Variants in SPRED2 observed in about 807,000 individuals in gnomAD.
The protein encoded by SPRED2 is sprouty related EVH1 domain containing 2, also known as sprouty-related, EVH1 domain-containing protein 2.
SPRED2 carries 47 observed loss-of-function variants against 43.0 expected under a neutral mutation model. The observed-to-expected ratio is 1.09, with a 90% CI of 0.87 to 1.40. SPRED2 has a LOEUF of 1.40. SPRED2 is among the 40% of genes most tolerant of loss of function. The pLI is 0.00. For synonymous variants in SPRED2, 225 were observed against 225.7 expected, an observed-to-expected ratio of 1.00 and a Z score of 0.03; for missense variants, 561 against 586.4, an observed-to-expected ratio of 0.96 and a Z score of 0.45.
chr2:65,391,009 G>T (rs957001025), intron 1 of SPRED2, among the ~76,000 whole-genome samples: 1 of 150,726 alleles, frequency 6.6e-6, no homozygotes, highest in Non-Finnish European at 1.5e-5. Context: ...AATCGCTTGA[G>T]CCTGGGAGGC....
chr2:65,338,849 TGAG>T (rs1456063035), intron 2 of SPRED2, among the ~76,000 whole-genome samples: 1 of 147,884 alleles, frequency 6.8e-6, no homozygotes, highest in Admixed American at 6.7e-5. Flanking sequence ...ACCTGGGAAG[TGAG>T]GAGCGCCTCC....
chr2:65,408,524 T>C (rs866910602), intron 1 of SPRED2, among the ~76,000 whole-genome samples: 17 of 152,110 alleles, frequency 1.1e-4, no homozygotes, highest in East Asian at 7.7e-4. Context: ...CCCCTTCCAA[T>C]GTCTGTATGT....
intron 1 of SPRED2, among the ~76,000 whole-genome samples, chr2:65,411,935 G>A (rs971529891): frequency 2.0e-5 from 3 of 152,012 alleles, no homozygotes; most frequent in African/African-American, 7.2e-5. Flanking sequence ...AGACCATCCT[G>A]GCCAACACGG....
chr2:65,309,511 A>AG, downstream of SPRED2, among the ~76,000 whole-genome samples: 1 of 151,272 alleles, frequency 6.6e-6, no homozygotes, highest in Non-Finnish European at 1.5e-5. Context: ...GTCTCAAAAA[A>AG]AAAAAAAAAA....
intron 1 of SPRED2, among the ~76,000 whole-genome samples, chr2:65,375,323 G>C (rs905023821): frequency 1.4e-4 from 22 of 152,240 alleles, no homozygotes; most frequent in Admixed American, 1.4e-3. Context: ...GCCGGTCTCA[G>C]GTAGCTGTGA....
intron 1 of SPRED2, among the ~76,000 whole-genome samples, chr2:65,396,453 C>G (rs1377573783): frequency 6.6e-6 from 1 of 152,230 alleles, no homozygotes; most frequent in African/African-American, 2.4e-5. Flanking sequence ...CATTTGTGGA[C>G]AGGCCCCACG....
At chr2:65,344,136 CAAAA>C (rs147613284) in intron 2 of SPRED2, 1,454 of 73,382 alleles carry the variant, frequency 0.02, 12 homozygotes, top group African/African-American at 0.062. Context: ...GACTCCGTCT[CAAAA>C]AAAAAAAAAA....
chr2:65,322,229 CCTCTCTCTCTCTCTCTCTCT>C (rs71905140), intron 4 of SPRED2, among the ~76,000 whole-genome samples: 144 of 61,282 alleles, frequency 2.3e-3, no homozygotes, highest in Non-Finnish European at 2.7e-3. Flanking sequence ...GGTCTCCTTT[CCTCTCTCTCTCTCTCTCTCT>C]CTCTCTCTCT....
chr2:65,366,884 A>G, intron 1 of SPRED2: 1 of 743,552 alleles, frequency 1.3e-6, no homozygotes, highest in East Asian at 3.8e-5. Context: ...CAGCTGACAG[A>G]TGCGTTTTCC....
chr2:65,424,184 C>T (rs967093489), intron 1 of SPRED2, among the ~76,000 whole-genome samples: 9 of 152,016 alleles, frequency 5.9e-5, no homozygotes, highest in Admixed American at 5.9e-4. Context: ...AGCAGGGTCC[C>T]TTAGTGGCAG....
intron 1 of SPRED2, among the ~76,000 whole-genome samples, chr2:65,395,485 C>A (rs1675738521): frequency 6.6e-6 from 1 of 152,188 alleles, no homozygotes; most frequent in African/African-American, 2.4e-5. Flanking sequence ...AACCCCAACT[C>A]CCTCACACTC....
chr2:65,360,076 A>C (rs1207787850), intron 1 of SPRED2, among the ~76,000 whole-genome samples: 3 of 98,354 alleles, frequency 3.1e-5, no homozygotes, highest in Admixed American at 1.3e-4. Context: ...AAAAAAAAAA[A>C]AACAAAAAAA....
At chr2:65,417,641 T>C (rs1453858713) in intron 1 of SPRED2, among the ~76,000 whole-genome samples, 2 of 152,216 alleles carry the variant, frequency 1.3e-5, no homozygotes, top group Non-Finnish European at 2.9e-5. Context: ...GTCATGAATG[T>C]TTAACACAGT....
intron 1 of SPRED2, among the ~76,000 whole-genome samples, chr2:65,348,596 A>G (rs1674418789): frequency 6.6e-6 from 1 of 151,986 alleles, no homozygotes; most frequent in Non-Finnish European, 1.5e-5. Flanking sequence ...TGAGGTCAGG[A>G]GTTCAAGACC....
intron 1 of SPRED2, among the ~76,000 whole-genome samples, chr2:65,431,613 A>C (rs537028589): frequency 2.6e-5 from 4 of 152,078 alleles, no homozygotes; most frequent in Non-Finnish European, 5.9e-5. Flanking sequence ...GGGAAGCCGG[A>C]GTGGGGGTGT....
intron 2 of SPRED2, among the ~76,000 whole-genome samples, chr2:65,337,593 GGTAA>G (rs560920429): frequency 3.0e-4 from 46 of 152,266 alleles, no homozygotes; most frequent in African/African-American, 9.9e-4. Context: ...CATATACACA[GGTAA>G]GTTTCTGTGT....
chr2:65,344,627 GAAAA>G (rs779154866), intron 2 of SPRED2, 88 bp downstream of exon 2: 20 of 1,511,662 alleles, frequency 1.3e-5, no homozygotes, highest in Non-Finnish European at 1.8e-5. Context: ...GAGAAAGAAA[GAAAA>G]AAATACGTTA....
At chr2:65,366,857 G>A (rs1674994354) in intron 1 of SPRED2, 2 of 1,106,748 alleles carry the variant, frequency 1.8e-6, no homozygotes, top group South Asian at 4.0e-5. Flanking sequence ...TCTCAAAAGT[G>A]GAAACTGGAA....
At chr2:65,383,646 G>A (rs1675427576) in intron 1 of SPRED2, among the ~76,000 whole-genome samples, 2 of 152,142 alleles carry the variant, frequency 1.3e-5, no homozygotes. Context: ...ACTTGCTGTG[G>A]TGCCTAATCG....
Sources: allele counts gnomAD v4.1 joint callset (sites outside exome capture counted in the v4.1 genomes callset), GRCh38; gene constraint gnomAD v4.1.1; transcripts MANE v1.5; gene names NCBI Gene and HGNC (gene_info 2026-07-23, HGNC 2026-07-21).